ETFA: variants seen among roughly 807,000 people sequenced by gnomAD.
ETFA encodes the protein electron transfer flavoprotein subunit alpha, also known as electron transfer flavoprotein subunit alpha, mitochondrial.
Under a neutral mutation model 46.2 loss-of-function variants are expected in ETFA, and 22 were observed. That is an observed-to-expected ratio of 0.48 (90% CI 0.34 to 0.68). The LOEUF (loss-of-function observed/expected upper bound fraction) is 0.68. Among genes scored for constraint, ETFA ranks in the 30% least tolerant of loss-of-function variants. ETFA has a pLI of 0.01. For synonymous variants in ETFA, 131 were observed against 139.9 expected (o/e 0.94, Z 0.45); for missense variants, 345 against 401.1 (o/e 0.86, Z 1.19).
chr15:76,260,426 T>G lies in ETFA; in HGVS notation c.816+13986A>C, dbSNP rs965474844. The G allele has an allele frequency of 5.7e-6, 9 of 1,585,798 alleles. 1 individual carries two copies. In the South Asian group the frequency reaches 1.0e-4, roughly 18 times the overall value. ...CACCAAGGACCACAGGTACCCAGGATGTGCGGCTGTGAGGAGGGCCCTTCT... is the reference window on the plus strand; with the variant it reads ...CACCAAGGACCACAGGTACCCAGGAGGTGCGGCTGTGAGGAGGGCCCTTCT... On this transcript the variant is annotated intron_variant, in intron 9 of 11. Coordinates refer to ENST00000557943, the MANE Select transcript of ETFA (RefSeq NM_000126.4).
At chr15:76,231,066 A>G in intron 10 of ETFA, 1 of 416,980 alleles carries the variant, frequency 2.4e-6, no homozygotes, top group Non-Finnish European at 4.3e-6. Flanking sequence ...AGACAAAGAA[A>G]CTGAGTTTGC....
intron 9 of ETFA, among the ~76,000 whole-genome samples, chr15:76,238,711 T>C (rs1224022513): frequency 1.3e-5 from 2 of 152,242 alleles, no homozygotes; most frequent in Non-Finnish European, 2.9e-5. Context: ...TTTCTAATTA[T>C]TGGAGCCTCC....
At position 76,295,689 on chromosome 15, in the gene ETFA, T is replaced by C. The variant is rs2039810890; in HGVS notation, c.88A>G (p.Asn30Asp). 1.9e-6 allele frequency: 3 copies of C among 1,613,546 alleles called. No homozygotes were observed. Among genetic ancestry groups the C allele is most frequent in the South Asian group, 1.1e-5 (1 of 91,062 alleles). The stretch of plus-strand genomic sequence containing the variant: ...AAAGTAATGGGTGCTAGGGAATCAT[T>C]TGCATGCTCAGCTATTACCAGGGTA... The part of the protein sequence containing the change: ...QSTLVIAEHA[N>D]DSLAPITLNT... Residue 30 changes from asparagine to aspartate, a missense_variant, in exon 2 of 12, where the codon AAT (asparagine) becomes GAT (aspartate). Asn to Asp is a conservative substitution (Grantham distance 23). Coordinates refer to ENST00000557943, the MANE Select transcript of ETFA (RefSeq NM_000126.4).
intron 9 of ETFA, among the ~76,000 whole-genome samples, chr15:76,248,780 G>A (rs1230798997): frequency 4.6e-5 from 7 of 152,084 alleles, no homozygotes; most frequent in African/African-American, 9.7e-5. Flanking sequence ...AGGAGGCTGA[G>A]GTGGGAGAAT....
intron 11 of ETFA, among the ~76,000 whole-genome samples, 159 bp downstream of exon 11, chr15:76,225,690 T>C (rs1362803042): frequency 6.6e-6 from 1 of 152,224 alleles, no homozygotes; most frequent in Non-Finnish European, 1.5e-5. Flanking sequence ...AACTTAACTT[T>C]AAGTAGGTCA....
chr15:76,254,287 C>G (rs2039329061), intron 9 of ETFA, among the ~76,000 whole-genome samples: 1 of 152,146 alleles, frequency 6.6e-6, no homozygotes, highest in South Asian at 2.1e-4. Flanking sequence ...TCTGTACATA[C>G]ACTCCACTCA....
intron 1 of ETFA, among the ~76,000 whole-genome samples, chr15:76,298,993 T>C (rs531397778): frequency 6.6e-6 from 1 of 152,368 alleles, no homozygotes; most frequent in African/African-American, 2.4e-5. Flanking sequence ...CTCTACACTT[T>C]AGGATCAATC....
chr15:76,218,209 T>C (rs1448042738), intron 11 of ETFA, among the ~76,000 whole-genome samples: 2 of 152,258 alleles, frequency 1.3e-5, no homozygotes, highest in African/African-American at 2.4e-5. Context: ...ACACTCCCCA[T>C]GAAAGGGTTG....
chr15:76,246,857 T>A (rs891913007), intron 9 of ETFA, among the ~76,000 whole-genome samples: 3 of 151,644 alleles, frequency 2.0e-5, no homozygotes, highest in Admixed American at 6.6e-5. Context: ...AAAAGAAAAT[T>A]AAATAAAAAG....
chr15:76,276,076 C>T lies in ETFA; in HGVS notation c.734-1582G>A, dbSNP rs189919794. Among the ~76,000 whole-genome samples, 15 of 152,072 alleles carry T rather than the reference C, an allele frequency of 9.9e-5. No homozygotes were observed. In the East Asian group the frequency reaches 2.7e-3, roughly 27 times the overall value. ...ATGCTCTCACTTGCTTTATATACACCAGAGTTTTTGACCTCTATCATTTCC... is the reference window on the plus strand; with the variant it reads ...ATGCTCTCACTTGCTTTATATACACTAGAGTTTTTGACCTCTATCATTTCC... On this transcript the variant is annotated intron_variant, in intron 8 of 11. Transcript: ENST00000557943.
intron 4 of ETFA, among the ~76,000 whole-genome samples, chr15:76,289,185 T>TGCAA (rs2039733320): frequency 6.6e-6 from 1 of 152,096 alleles, no homozygotes; most frequent in Admixed American, 6.5e-5. Flanking sequence ...CCTCCTGCCT[T>TGCAA]GGCACCCCAA....
intron 9 of ETFA, among the ~76,000 whole-genome samples, chr15:76,240,836 C>A (rs919820972): frequency 6.6e-6 from 1 of 151,722 alleles, no homozygotes. Flanking sequence ...TTCTTGAGTC[C>A]AGAAATTTGA....
Position 76,307,665 on chromosome 15 carries a change from G to C in ETFA, c.39+3685C>G, listed in dbSNP as rs764040619. 2.0e-4 allele frequency among the ~76,000 whole-genome samples: 31 copies of C among 151,280 alleles called. 1 individual carries two copies. Among genetic ancestry groups the C allele is most frequent in the Non-Finnish European group, 3.8e-4 (26 of 67,814 alleles). On this transcript the variant is annotated intron_variant, in intron 1 of 11. Coordinates refer to ENST00000557943, the MANE Select transcript of ETFA (RefSeq NM_000126.4). ...TGGCGCCTGGCTAATTTTTTTTTTG[G>C]TAGAGATGGGGTTTCGCCATGTTGC...
intron 8 of ETFA, among the ~76,000 whole-genome samples, chr15:76,281,033 GCCT>G (rs2039644768): frequency 6.7e-6 from 1 of 148,378 alleles, no homozygotes; most frequent in African/African-American, 2.5e-5. Flanking sequence ...TGCCGCCTCA[GCCT>G]CCTGAGTAGC....
chr15:76,216,389 G>C lies in ETFA; in HGVS notation c.*170C>G. 1.7e-6 allele frequency: 1 copy of C among 582,088 alleles called. No homozygotes were observed. The highest frequency in any genetic ancestry group is 3.0e-6 in the Non-Finnish European group (1 of 329,280). 36.1% of individuals were successfully genotyped at this position (582,088 alleles called of 1,614,324 possible). On this transcript the variant is annotated 3_prime_UTR_variant, in exon 12 of 12. Transcript: ENST00000557943. ...GTTTGGAACCACAAATAATTAAAAG[G>C]AAACACAGCAATCCCATAAACAAGC...
At chr15:76,280,972 G>A (rs1240440904) in intron 8 of ETFA, among the ~76,000 whole-genome samples, 1 of 133,062 alleles carries the variant, frequency 7.5e-6, no homozygotes, top group Non-Finnish European at 1.5e-5. Context: ...CCGGAGTACA[G>A]TGGCACAATC....
chr15:76,273,824 A>G (rs1374692529), intron 9 of ETFA, among the ~76,000 whole-genome samples: 2 of 152,228 alleles, frequency 1.3e-5, no homozygotes, highest in African/African-American at 4.8e-5. Flanking sequence ...AACAGTCATT[A>G]TCAACTGTGA....
At chr15:76,247,672 T>A (rs2141479233) in intron 9 of ETFA, among the ~76,000 whole-genome samples, 1 of 152,372 alleles carries the variant, frequency 6.6e-6, no homozygotes, top group East Asian at 1.9e-4. Flanking sequence ...ACATATTTTC[T>A]CATTGCTTAT....
intron 9 of ETFA, among the ~76,000 whole-genome samples, chr15:76,272,447 C>T (rs1596211621): frequency 6.6e-6 from 1 of 152,042 alleles, no homozygotes. Flanking sequence ...ATCTCAATCT[C>T]CTGACCTCGT....
Sources: allele counts gnomAD v4.1 joint callset (sites outside exome capture counted in the v4.1 genomes callset), GRCh38; gene constraint gnomAD v4.1.1; transcripts MANE v1.5; gene names NCBI Gene and HGNC (gene_info 2026-07-23, HGNC 2026-07-21).